The following LRGUK variants were observed in gnomAD, a reference collection of about 807,000 sequenced individuals.
LRGUK encodes leucine rich repeats and guanylate kinase domain containing.
Under a neutral mutation model 76.0 loss-of-function variants are expected in LRGUK, and 65 were observed. The observed-to-expected ratio is 0.85, with a 90% CI of 0.70 to 1.05. LRGUK has a LOEUF of 1.05. Ranked by LOEUF, LRGUK falls within the 50% of genes least tolerant of loss-of-function variation. LRGUK has a pLI of 0.00. For synonymous variants in LRGUK, 268 were observed against 265.6 expected (o/e 1.01, Z -0.09); for missense variants, 758 against 732.8 (o/e 1.03, Z -0.40).
intron 12 of LRGUK, among the ~76,000 whole-genome samples, chr7:134,194,063 G>A (rs890004829): frequency 3.9e-5 from 6 of 152,090 alleles, no homozygotes; most frequent in Non-Finnish European, 8.8e-5. Context: ...TCCCTCTCCT[G>A]TAGAAATAAA....
intron 16 of LRGUK, among the ~76,000 whole-genome samples, chr7:134,245,189 A>G (rs972515597): frequency 1.3e-5 from 2 of 152,212 alleles, no homozygotes; most frequent in African/African-American, 4.8e-5. Context: ...GTATAATAAT[A>G]AAAACAAACA....
chr7:134,209,601 C>A (rs1414075299), exon 16 of LRGUK: 6 of 398,948 alleles, frequency 1.5e-5, no homozygotes, highest in Non-Finnish European at 2.7e-5. Context: ...AGGCCCACAC[C>A]CAAACTCCTA....
chr7:134,150,490 A>AAAAAG (rs1554455673), intron 5 of LRGUK, among the ~76,000 whole-genome samples: 2 of 151,336 alleles, frequency 1.3e-5, no homozygotes, highest in African/African-American at 4.8e-5. Flanking sequence ...AAAAAAAAAA[A>AAAAAG]AAAAAGAAAA....
chr7:134,150,550 AGC>A (rs1798177165), intron 5 of LRGUK, among the ~76,000 whole-genome samples: 1 of 151,790 alleles, frequency 6.6e-6, no homozygotes, highest in African/African-American at 2.4e-5. Context: ...AACTCTTGCT[AGC>A]CAGAAAGAAT....
At chr7:134,164,098 A>G (rs1005413131) in intron 7 of LRGUK, among the ~76,000 whole-genome samples, 3 of 152,174 alleles carry the variant, frequency 2.0e-5, no homozygotes, top group Non-Finnish European at 4.4e-5. Flanking sequence ...TAGATTTTAA[A>G]CATTTTTACC....
chr7:134,248,527 T>C (rs1039308518), intron 17 of LRGUK, among the ~76,000 whole-genome samples: 6 of 152,210 alleles, frequency 3.9e-5, no homozygotes, highest in Non-Finnish European at 8.8e-5. Context: ...TAGAGTTTAG[T>C]TGAACGTATA....
At chr7:134,249,819 A>T (rs1802400306) in intron 18 of LRGUK, among the ~76,000 whole-genome samples, 1 of 152,136 alleles carries the variant, frequency 6.6e-6, no homozygotes, top group Non-Finnish European at 1.5e-5. Context: ...TTTCTCCTTC[A>T]GTTGCTCCTG....
At chr7:134,271,949 A>G in the LRGUK span, among the ~76,000 whole-genome samples, 2 of 152,152 alleles carry the variant, frequency 1.3e-5, no homozygotes, top group African/African-American at 4.8e-5. Flanking sequence ...TGCAGATAGT[A>G]TAATAAAAAA....
In LRGUK at chr7:134,209,237, C is replaced by T. The variant is rs535266273; in HGVS notation, c.2374C>T (p.Leu792=). The change falls in exon 16 of 16, where the codon CTA becomes TTA. Residue 792 remains leucine, a synonymous_variant. Transcript: ENST00000645682. Reference sequence around the variant, plus strand: ...TACTGGCCCTCCTCTGTCTGAACCTCTACAGGGACCTGGCCCCACTCCCCT... The same window carrying T: ...TACTGGCCCTCCTCTGTCTGAACCTTTACAGGGACCTGGCCCCACTCCCCT... 2.5e-5 allele frequency: 10 copies of T among 399,078 alleles called. No homozygotes were observed. The South Asian group carries it at 1.1e-3, about 46-fold the overall frequency. 24.7% of individuals were successfully genotyped at this position (399,078 alleles called of 1,614,324 possible).
intron 9 of LRGUK, among the ~76,000 whole-genome samples, chr7:134,178,210 GTT>G (rs763703765): frequency 6.6e-6 from 1 of 151,988 alleles, no homozygotes; most frequent in Admixed American, 6.6e-5. Context: ...TTGTTTGGTG[GTT>G]TTTTTGTGTG....
At chr7:134,252,445 A>G (rs1802474985) in intron 18 of LRGUK, among the ~76,000 whole-genome samples, 1 of 152,222 alleles carries the variant, frequency 6.6e-6, no homozygotes, top group African/African-American at 2.4e-5. Flanking sequence ...GACAGTCCCA[A>G]GAACTCAGCC....
In LRGUK at chr7:134,142,883, C is replaced by CT. The variant is rs561207607; in HGVS notation, c.488-171dup. Among the ~76,000 whole-genome samples, 11 of 152,102 alleles carry CT rather than the reference C, an allele frequency of 7.2e-5. No homozygotes were observed. In the East Asian group the frequency reaches 7.7e-4, roughly 11 times the overall value. ...ATTATTGACTCCGAGAGTTTTCTAC[C>CT]TTTTTTTTGTATATTTCACATACTC... On this transcript the variant is annotated intron_variant, in intron 3 of 15. Coordinates refer to ENST00000645682, the Ensembl canonical transcript of LRGUK.
chr7:134,269,532 T>C (rs1802923398), downstream of LRGUK, among the ~76,000 whole-genome samples: 1 of 151,978 alleles, frequency 6.6e-6, no homozygotes, highest in Non-Finnish European at 1.5e-5. Flanking sequence ...TTCTTTTTTG[T>C]AGAGATGAGG....
chr7:134,220,587 T>TG (rs1459226858), intron 15 of LRGUK, among the ~76,000 whole-genome samples: 1 of 151,886 alleles, frequency 6.6e-6, no homozygotes, highest in Non-Finnish European at 1.5e-5. Flanking sequence ...TTCTTTTTTT[T>TG]TTTTTCTTTT....
intron 19 of LRGUK, among the ~76,000 whole-genome samples, chr7:134,260,899 T>C (rs1292487713): frequency 6.6e-6 from 1 of 152,154 alleles, no homozygotes; most frequent in Non-Finnish European, 1.5e-5. Flanking sequence ...CTACTCTCTC[T>C]GGTTTATAGA....
chr7:134,132,587 G>A (rs184102715), intron 1 of LRGUK, among the ~76,000 whole-genome samples: 3 of 152,154 alleles, frequency 2.0e-5, no homozygotes, highest in Non-Finnish European at 4.4e-5. Flanking sequence ...GAGTAGATTG[G>A]TTATTAAAGG....
At chr7:134,161,433 A>G (rs1213703430) in intron 6 of LRGUK, among the ~76,000 whole-genome samples, 1 of 151,920 alleles carries the variant, frequency 6.6e-6, no homozygotes, top group African/African-American at 2.4e-5. Flanking sequence ...ATTTATTATG[A>G]TATTTTTCAA....
At chr7:134,241,960 G>A (rs1180555932) in intron 16 of LRGUK, among the ~76,000 whole-genome samples, 1 of 152,146 alleles carries the variant, frequency 6.6e-6, no homozygotes, top group East Asian at 1.9e-4. Context: ...TGACTACTGG[G>A]TACATAATAA....
At chr7:134,228,490 A>T (rs755396324) in intron 16 of LRGUK, among the ~76,000 whole-genome samples, 21 of 152,336 alleles carry the variant, frequency 1.4e-4, no homozygotes, top group Non-Finnish European at 1.9e-4. Context: ...TAAAACAGCA[A>T]TGGCTTTAAC....
Sources: gnomAD v4.1 joint callset for allele counts (sites outside exome capture counted in the v4.1 genomes callset) on GRCh38, gnomAD v4.1.1 for gene constraint, MANE v1.5 for transcripts, NCBI Gene and HGNC (gene_info 2026-07-23, HGNC 2026-07-21) for gene names.